Variants in CACNA1S observed in about 807,000 individuals in gnomAD.
CACNA1S encodes the protein calcium voltage-gated channel subunit alpha1 S, also known as voltage-dependent L-type calcium channel subunit alpha-1S.
A neutral mutation model predicts 207.4 loss-of-function variants in CACNA1S; 126 were observed. The ratio of observed to expected loss-of-function variants is 0.61; its 90% CI spans 0.53 to 0.70. The LOEUF is 0.70. Among genes scored for constraint, CACNA1S ranks in the 30% least tolerant of loss-of-function variants. The pLI, the probability that CACNA1S is intolerant of heterozygous loss-of-function variation, is 0.00. For synonymous variants in CACNA1S, 960 were observed against 932.7 expected (o/e 1.03, Z -0.53); for missense variants, 2,349 against 2,422.8 (o/e 0.97, Z 0.64).
At position 201,086,677 on chromosome 1, in the gene CACNA1S, C is replaced by T. The variant is rs541420484; in HGVS notation, c.1005-1096G>A. Among the ~76,000 whole-genome samples the T allele has an allele frequency of 2.6e-4, 39 of 152,370 alleles. No individual in the cohort carries two copies. The South Asian group carries it at 3.7e-3, about 15-fold the overall frequency. ...TTGACTGAAATGTCATCATGCAGCA[C>T]ATGACTGTATGTTAAAATATAGTTA... On this transcript the variant is annotated intron_variant, in intron 7 of 43. Transcript: ENST00000362061.
At chr1:201,102,594 G>A (rs1662719266) in intron 2 of CACNA1S, among the ~76,000 whole-genome samples, 1 of 152,182 alleles carries the variant, frequency 6.6e-6, no homozygotes, top group Non-Finnish European at 1.5e-5. Context: ...CCCAGTCTGT[G>A]CGGAGCAGTC....
chr1:201,071,993 C>T (rs1340403346), intron 16 of CACNA1S, among the ~76,000 whole-genome samples: 1 of 152,178 alleles, frequency 6.6e-6, no homozygotes, highest in Non-Finnish European at 1.5e-5. Context: ...TCAGCTGATT[C>T]CATAAGTAGA....
chr1:201,088,978 C>T (rs1274415884), intron 6 of CACNA1S, among the ~76,000 whole-genome samples: 1 of 152,260 alleles, frequency 6.6e-6, no homozygotes, highest in East Asian at 1.9e-4. Context: ...GAGTCACTCA[C>T]AGCCAGGTTT....
At chr1:201,110,090 G>C (rs976277050) in intron 2 of CACNA1S, 74 bp downstream of exon 2, 55 of 1,316,102 alleles carry the variant, frequency 4.2e-5, no homozygotes, top group Middle Eastern at 3.6e-4. Context: ...CCCCAGAACA[G>C]AGTCCACCAA....
chr1:201,040,518 G>T, intron 42 of CACNA1S, 104 bp downstream of exon 42: 1 of 1,404,644 alleles, frequency 7.1e-7, no homozygotes, highest in Non-Finnish European at 1.0e-6. Flanking sequence ...TGTACTGTTG[G>T]ACACATTGCT....
chr1:201,090,193 G>A (rs1558079871), intron 5 of CACNA1S, among the ~76,000 whole-genome samples: 1 of 152,174 alleles, frequency 6.6e-6, no homozygotes, highest in East Asian at 1.9e-4. Flanking sequence ...ACATTGATGG[G>A]TCTGTAGGGG....
rs1000259842 is a variant in CACNA1S, at chr1:201,106,641, T to C, written c.258+3523A>G. On this transcript the variant is annotated intron_variant, in intron 2 of 43. Coordinates refer to ENST00000362061, the MANE Select transcript of CACNA1S (RefSeq NM_000069.3). ...CTACTGTGGTGTCTTTTGATTGCTG[T>C]TCAGTGTTGTGCAGGGCAAGTGCAG... 5.9e-5 allele frequency among the ~76,000 whole-genome samples: 9 copies of C among 152,246 alleles called. No homozygotes were observed. The East Asian group carries it at 1.4e-3, about 23-fold the overall frequency.
At chr1:201,073,049 A>C (rs972498188) in intron 15 of CACNA1S, among the ~76,000 whole-genome samples, 2 of 152,190 alleles carry the variant, frequency 1.3e-5, no homozygotes, top group African/African-American at 2.4e-5. Flanking sequence ...AGCCCGCCCT[A>C]GCCTGTCTGA....
Position 201,039,690 on chromosome 1 carries a change from G to T in CACNA1S, c.*141C>A. On this transcript the variant is annotated 3_prime_UTR_variant, in exon 44 of 44. Transcript: ENST00000362061. ...CTCCGCACTTTTTGAGGTGGTTCCT[G>T]ACCACCCTGCCTCAGGCCATGCATC... is the stretch of plus-strand genomic sequence containing the variant. The T allele has an allele frequency of 8.5e-7, 1 of 1,172,668 alleles. No individual in the cohort carries two copies. Among genetic ancestry groups the T allele is most frequent in the Non-Finnish European group, 1.2e-6 (1 of 814,230 alleles). 72.6% of individuals were successfully genotyped at this position (1,172,668 alleles called of 1,614,324 possible).
rs1413522770 is a variant in CACNA1S, at chr1:201,069,534, G to C, written c.2428C>G (p.Leu810Val). The C allele has an allele frequency of 6.3e-7, 1 of 1,587,508 alleles. No individual in the cohort carries two copies. Among genetic ancestry groups the C allele is most frequent in the Non-Finnish European group, 8.6e-7 (1 of 1,168,296 alleles). Residue 810 changes from leucine to valine, a missense_variant, in exon 18 of 44, where the codon CTG becomes GTG. Transcript: ENST00000362061. ...GCAGCCAGTGCAGCGCTGCTGAGCA[G>C]GATGAAGAGCAGGATGAAGTTGGTA... ...WFTNFILLFI[L>V]LSSAALAAED...
At chr1:201,056,820 G>T (rs1025454110) in intron 28 of CACNA1S, among the ~76,000 whole-genome samples, 7 of 152,116 alleles carry the variant, frequency 4.6e-5, no homozygotes, top group Admixed American at 2.6e-4. Context: ...CCTTCATAAG[G>T]CAGGTCCTGC....
intron 2 of CACNA1S, among the ~76,000 whole-genome samples, chr1:201,102,253 C>G (rs899759588): frequency 1.3e-4 from 20 of 152,232 alleles, no homozygotes; most frequent in Non-Finnish European, 2.9e-5. Context: ...GGCCTCGGAT[C>G]CCAGTGTCAC....
rs762055787 is a variant in CACNA1S at position 201,085,500 on chromosome 1, G to A, written c.1086C>T (p.Asp362=). 2.5e-6 allele frequency: 4 copies of A among 1,613,236 alleles called. No individual in the cohort carries two copies. Among genetic ancestry groups the A allele is most frequent in the Admixed American group, 1.7e-5 (1 of 59,886 alleles). The change falls in exon 8 of 44, where the codon GAC becomes GAT. Residue 362 remains aspartate (D), a synonymous_variant. Transcript: ENST00000362061. ...TGATCCAGCTCATGTAGCCCCGAAG[G>A]TCCTCATCTAGTTGCTGCTTCTCCC... ...KLREKQQLDE[D]LRGYMSWITQ... is the part of the protein sequence containing the mutation.
Position 201,053,383 on chromosome 1 carries a change from G to C in CACNA1S, c.3795+76C>G. ...CTCTGCCTTGCCCAGGGCTCCCCTG[G>C]GGCCCACCCTGGGCTGAGGCAGATG... On this transcript the variant is annotated intron_variant, in intron 30 of 43. Transcript: ENST00000362061. This position sits in a 1 kb window ranked among gnomAD's most constrained non-coding sequence, Gnocchi z 5.1. 1 of 1,612,368 alleles carries C rather than the reference G, an allele frequency of 6.2e-7. No individual in the cohort carries two copies. Among genetic ancestry groups the C allele is most frequent in the Non-Finnish European group, 8.5e-7 (1 of 1,178,582 alleles).
chr1:201,083,982 T>C (rs979955694), intron 9 of CACNA1S, among the ~76,000 whole-genome samples: 1 of 152,170 alleles, frequency 6.6e-6, no homozygotes, highest in African/African-American at 2.4e-5. Flanking sequence ...TGCAGCACTG[T>C]TTGTATCGCC....
chr1:201,053,568 C>G lies in CACNA1S; in HGVS notation c.3686G>C (p.Arg1229Pro), dbSNP rs774416016. ...CGNVDPDESA[R>P]ISSAFFRLFR... is the part of the protein sequence containing the mutation. ...CAGGCGGAAGAAGGCGCTGGAGATG[C>G]GGGCACTCTCATCTGGGTCCTGCGG... Residue 1229 changes from arginine to proline, a missense_variant, in exon 30 of 44, where the codon CGC (arginine) becomes CCC (proline). Physicochemically the swap from Arg to Pro is moderately radical, Grantham distance 103. Transcript: ENST00000362061. The surrounding 1 kb of genome is among the most constrained non-coding windows in gnomAD (Gnocchi z 5.1). The G allele has an allele frequency of 6.8e-6, 11 of 1,608,584 alleles. No homozygotes were observed. The East Asian group carries it at 2.2e-4, about 33-fold the overall frequency.
Position 201,039,780 on chromosome 1 carries a change from C to T in CACNA1S, c.*51G>A, listed in dbSNP as rs747623979. ...CCCTTCTCCACCCCAGCAACTTCCCCACCCCCATTGGTCATGCCAGCTCTA... is the reference window on the plus strand; with the variant it reads ...CCCTTCTCCACCCCAGCAACTTCCCTACCCCCATTGGTCATGCCAGCTCTA... On this transcript the variant is annotated 3_prime_UTR_variant, in exon 44 of 44. Coordinates refer to ENST00000362061, the MANE Select transcript of CACNA1S (RefSeq NM_000069.3). The T allele has an allele frequency of 1.0e-5, 16 of 1,599,320 alleles. No homozygotes were observed. Among genetic ancestry groups the T allele is most frequent in the Middle Eastern group, 1.7e-4 (1 of 6,060 alleles).
chr1:201,065,279 A>G (rs1661200725), intron 22 of CACNA1S, among the ~76,000 whole-genome samples: 1 of 152,252 alleles, frequency 6.6e-6, no homozygotes, highest in South Asian at 2.1e-4. Flanking sequence ...TAATTTTTAA[A>G]AGAGCTTAAG....
Position 201,039,842 on chromosome 1 carries a change from G to A in CACNA1S, c.5611C>T (p.Pro1871Ser). The A allele has an allele frequency of 1.9e-6, 3 of 1,605,498 alleles. No individual in the cohort carries two copies. The highest frequency in any genetic ancestry group is 2.5e-6 in the Non-Finnish European group (3 of 1,179,998). ...HQGSQETLIP[P>S]RL Reference sequence around the variant, plus strand: ...ATGCTGTGTGGGCATCACAGCCTTGGAGGAATAAGGGTCTCCTGGGAGCCC... The same window carrying A: ...ATGCTGTGTGGGCATCACAGCCTTGAAGGAATAAGGGTCTCCTGGGAGCCC... Residue 1871 changes from proline (P) to serine (S), a missense_variant, in exon 44 of 44, where the codon CCA becomes TCA. Transcript: ENST00000362061.
Sources: gnomAD v4.1 joint callset for allele counts (sites outside exome capture counted in the v4.1 genomes callset) on GRCh38, gnomAD v4.1.1 for gene constraint, Gnocchi (gnomAD v3.1) non-coding constraint, MANE v1.5 for transcripts, NCBI Gene and HGNC (gene_info 2026-07-23, HGNC 2026-07-21) for gene names.